EPM2A: variants seen among roughly 807,000 people sequenced by gnomAD.
The protein encoded by EPM2A is EPM2A glucan phosphatase, laforin.
Under a neutral mutation model 26.5 loss-of-function variants are expected in EPM2A, and 21 were observed. The ratio of observed to expected loss-of-function variants is 0.79; its 90% CI spans 0.56 to 1.14. The LOEUF (loss-of-function observed/expected upper bound fraction) is 1.14, where lower values mean the gene tolerates loss of function less well. Among genes scored for constraint, EPM2A ranks in the 50% most tolerant of loss-of-function variants. The probability of loss-of-function intolerance (pLI) is 0.00; values close to 1 mark genes in which losing one functional copy is unlikely to be tolerated. For synonymous variants in EPM2A, 217 were observed against 177.6 expected (o/e 1.22, Z -1.76); for missense variants, 458 against 440.8 (o/e 1.04, Z -0.35).
chr6:145,701,664 T>C (rs900473659), intron 1 of EPM2A, among the ~76,000 whole-genome samples: 3 of 152,216 alleles, frequency 2.0e-5, no homozygotes, highest in African/African-American at 7.2e-5. Context: ...AGGATTCTGT[T>C]GGCTGCGGAG....
chr6:145,555,029 T>G (rs1260752062), intron 2 of EPM2A, among the ~76,000 whole-genome samples: 5 of 152,108 alleles, frequency 3.3e-5, no homozygotes, highest in African/African-American at 1.2e-4. Flanking sequence ...ATCATTTACA[T>G]GTAAATTACA....
chr6:145,471,502 G>A lies in EPM2A; in HGVS notation c.555+31020C>T, dbSNP rs924847225. ...CTTTCACTTCATATCTCTGAGAGAG[G>A]CACTGACGAGATAAAAAAGACAGTA... On this transcript the variant is annotated intron_variant, in intron 4 of 4. Transcript: ENST00000638717. 4.1e-4 allele frequency among the ~76,000 whole-genome samples: 63 copies of A among 152,052 alleles called. 1 individual carries two copies. Among genetic ancestry groups the A allele is most frequent in the Non-Finnish European group, 1.0e-4 (7 of 68,016 alleles).
chr6:145,672,252 T>C (rs1471469136), intron 2 of EPM2A, among the ~76,000 whole-genome samples: 2 of 152,252 alleles, frequency 1.3e-5, no homozygotes, highest in African/African-American at 4.8e-5. Context: ...GCACACAAAT[T>C]GATTCCACAC....
intron 2 of EPM2A, among the ~76,000 whole-genome samples, chr6:145,510,501 G>C (rs1780040483): frequency 6.6e-6 from 1 of 152,016 alleles, no homozygotes; most frequent in Non-Finnish European, 1.5e-5. Flanking sequence ...TTTTCAGTAA[G>C]CAATAAAATT....
rs565624810 is a variant in EPM2A at position 145,676,500 on chromosome 6, GA to G, written c.476+9621del. 9.2e-5 allele frequency among the ~76,000 whole-genome samples: 14 copies of G among 151,954 alleles called. No individual in the cohort carries two copies. In the East Asian group the frequency reaches 2.7e-3, roughly 29 times the overall value. On this transcript the variant is annotated intron_variant, in intron 2 of 3. Transcript: ENST00000367519. ...CAATGAATCCAGGAGCTGGTTTTTT[GA>G]AAAGATCAACAAAATTGATAGGCTG...
At chr6:145,570,868 T>C (rs1780945395) in intron 2 of EPM2A, among the ~76,000 whole-genome samples, 1 of 152,226 alleles carries the variant, frequency 6.6e-6, no homozygotes, top group Non-Finnish European at 1.5e-5. Context: ...AGTAGTAGAC[T>C]GATTTCATCT....
chr6:145,402,337 T>C (rs1377574273), intron 4 of EPM2A, among the ~76,000 whole-genome samples: 1 of 152,098 alleles, frequency 6.6e-6, no homozygotes, highest in Non-Finnish European at 1.5e-5. Context: ...GAAGGGAATT[T>C]CCACAAAATA....
chr6:145,611,828 A>T (rs1017380562), intron 2 of EPM2A, among the ~76,000 whole-genome samples: 12 of 152,174 alleles, frequency 7.9e-5, no homozygotes, highest in African/African-American at 2.9e-4. Flanking sequence ...TTATAAAGAC[A>T]ATATAATTAG....
chr6:145,412,616 A>G (rs1054777881), intron 4 of EPM2A, among the ~76,000 whole-genome samples: 1 of 152,242 alleles, frequency 6.6e-6, no homozygotes, highest in African/African-American at 2.4e-5. Context: ...CTGCTAAAGT[A>G]TGGGGATCTT....
intron 2 of EPM2A, among the ~76,000 whole-genome samples, chr6:145,610,032 T>C (rs1053165576): frequency 2.6e-5 from 4 of 152,102 alleles, no homozygotes; most frequent in Admixed American, 6.6e-5. Flanking sequence ...CTGGCCAAGA[T>C]GGTGAAACCC....
downstream of EPM2A, among the ~76,000 whole-genome samples, chr6:145,497,248 G>A (rs1329849887): frequency 6.6e-6 from 1 of 152,156 alleles, no homozygotes; most frequent in East Asian, 1.9e-4. Flanking sequence ...ATGCGGTTTT[G>A]GGTTTGTTCT....
At chr6:145,404,399 T>A (rs1223004712) in intron 4 of EPM2A, among the ~76,000 whole-genome samples, 2 of 152,128 alleles carry the variant, frequency 1.3e-5, no homozygotes, top group African/African-American at 4.8e-5. Flanking sequence ...TACTCGTATT[T>A]ATTTTGTATG....
intron 1 of EPM2A, among the ~76,000 whole-genome samples, chr6:145,687,680 T>A (rs758115792): frequency 5.3e-5 from 8 of 152,192 alleles, no homozygotes; most frequent in Non-Finnish European, 1.2e-4. Context: ...ACAAAATATT[T>A]AACCTAAATT....
intron 2 of EPM2A, among the ~76,000 whole-genome samples, chr6:145,525,806 T>G (rs1780263421): frequency 6.6e-6 from 1 of 152,146 alleles, no homozygotes; most frequent in African/African-American, 2.4e-5. Context: ...CTGATTGCTC[T>G]GGCTATGACT....
At chr6:145,682,972 C>T (rs1007524643) in intron 2 of EPM2A, among the ~76,000 whole-genome samples, 2 of 152,140 alleles carry the variant, frequency 1.3e-5, no homozygotes, top group Non-Finnish European at 2.9e-5. Flanking sequence ...GATAAATTCA[C>T]AAATAATCTT....
intron 2 of EPM2A, among the ~76,000 whole-genome samples, chr6:145,592,221 T>G (rs1410892668): frequency 1.4e-5 from 2 of 139,530 alleles, no homozygotes; most frequent in Non-Finnish European, 3.0e-5. Context: ...CCAAGTGTTC[T>G]CATTGTTCAA....
chr6:145,734,983 A>C (rs1776756543), intron 1 of EPM2A: 1 of 347,612 alleles, frequency 2.9e-6, no homozygotes, highest in African/African-American at 2.2e-5. Flanking sequence ...GGGTCTAGGG[A>C]ATCAGTAGGA....
chr6:145,502,454 T>C (rs1277748627), intron 3 of EPM2A: 3 of 464,556 alleles, frequency 6.5e-6, no homozygotes, highest in Non-Finnish European at 8.8e-6. Flanking sequence ...AATATATGAC[T>C]TTCCTGAAGA....
At chr6:145,635,599 G>A in intron 2 of EPM2A, 113 bp from the exon 3 acceptor site, 1 of 1,020,776 alleles carries the variant, frequency 9.8e-7, no homozygotes, top group Admixed American at 1.8e-5. Flanking sequence ...TCTGGCACAG[G>A]AAAAGCTAGA....
Sources: gnomAD v4.1 joint callset for allele counts (sites outside exome capture counted in the v4.1 genomes callset) on GRCh38, gnomAD v4.1.1 for gene constraint, MANE v1.5 for transcripts, NCBI Gene and HGNC (gene_info 2026-07-23, HGNC 2026-07-21) for gene names.